ADK: variants seen among roughly 807,000 people sequenced by gnomAD.
ADK encodes the protein N6,N6-dimethyladenosine kinase.
ADK carries 24 observed loss-of-function variants against 44.7 expected under a neutral mutation model. The observed-to-expected ratio is 0.54, with a 90% CI of 0.39 to 0.76. ADK has a LOEUF of 0.76. ADK is among the 30% of genes least tolerant of loss of function. The pLI is 0.00. For synonymous variants in ADK, 128 were observed against 142.6 expected (o/e 0.90, Z 0.73); for missense variants, 321 against 425.1 (o/e 0.76, Z 2.15).
At chr10:74,381,290 C>T (rs1842970234) in intron 4 of ADK, among the ~76,000 whole-genome samples, 2 of 152,266 alleles carry the variant, frequency 1.3e-5, no homozygotes, top group South Asian at 4.1e-4. Flanking sequence ...AATTACTTTT[C>T]TAATCTGTAT....
At chr10:74,358,271 T>C (rs1029647336) in intron 4 of ADK, among the ~76,000 whole-genome samples, 4 of 152,228 alleles carry the variant, frequency 2.6e-5, no homozygotes, top group African/African-American at 9.6e-5. Flanking sequence ...CCTTGTAATA[T>C]ATAATTAACT....
chr10:74,230,960 G>C (rs2132265709), intron 3 of ADK, among the ~76,000 whole-genome samples: 1 of 152,202 alleles, frequency 6.6e-6, no homozygotes, highest in South Asian at 2.1e-4. Context: ...GGGATTATAG[G>C]CGTGAGCCAC....
intron 9 of ADK, among the ~76,000 whole-genome samples, chr10:74,629,879 A>G (rs1423910391): frequency 1.3e-5 from 2 of 152,150 alleles, no homozygotes; most frequent in Non-Finnish European, 2.9e-5. Context: ...ATTAAGACCC[A>G]CTACTAGTGG....
chr10:74,373,630 C>T (rs1345589414), intron 4 of ADK, among the ~76,000 whole-genome samples: 1 of 152,146 alleles, frequency 6.6e-6, no homozygotes, highest in East Asian at 1.9e-4. Flanking sequence ...CCATTTCACT[C>T]CTGCTAGGAT....
At chr10:74,257,768 A>G (rs981499976) in intron 3 of ADK, among the ~76,000 whole-genome samples, 6 of 152,224 alleles carry the variant, frequency 3.9e-5, no homozygotes, top group Admixed American at 2.0e-4. Context: ...AATTTAAACT[A>G]TAGAAAAAAA....
intron 6 of ADK, among the ~76,000 whole-genome samples, chr10:74,505,100 G>A (rs1172640043): frequency 6.6e-6 from 1 of 152,120 alleles, no homozygotes; most frequent in Non-Finnish European, 1.5e-5. Flanking sequence ...TGGAAATGAT[G>A]AAGGAGGTGG....
intron 6 of ADK, among the ~76,000 whole-genome samples, chr10:74,436,960 A>T (rs997693894): frequency 3.3e-5 from 5 of 152,208 alleles, no homozygotes; most frequent in African/African-American, 9.6e-5. Flanking sequence ...GCATATAGAA[A>T]ATCTTAAGGA....
At chr10:74,338,695 A>G (rs1208734964) in intron 4 of ADK, among the ~76,000 whole-genome samples, 5 of 152,244 alleles carry the variant, frequency 3.3e-5, no homozygotes, top group African/African-American at 7.2e-5. Flanking sequence ...GATTCCAATT[A>G]TATAGTATTA....
intron 6 of ADK, among the ~76,000 whole-genome samples, chr10:74,417,351 A>G (rs757948747): frequency 6.6e-6 from 1 of 152,134 alleles, no homozygotes; most frequent in South Asian, 2.1e-4. Flanking sequence ...CTTTATAGAT[A>G]TTCCCTAATT....
At chr10:74,214,422 G>A (rs1237752061) in intron 2 of ADK, among the ~76,000 whole-genome samples, 1 of 152,172 alleles carries the variant, frequency 6.6e-6, no homozygotes, top group African/African-American at 2.4e-5. Context: ...TTTGGACTAT[G>A]TGGCAATATT....
chr10:74,566,308 G>C (rs1850667156), intron 7 of ADK, among the ~76,000 whole-genome samples: 1 of 144,388 alleles, frequency 6.9e-6, no homozygotes, highest in Non-Finnish European at 1.5e-5. Context: ...CTGGGCTCAA[G>C]TAATCCTCCC....
At chr10:74,339,210 C>T (rs1011391012) in intron 4 of ADK, among the ~76,000 whole-genome samples, 1 of 152,170 alleles carries the variant, frequency 6.6e-6, no homozygotes, top group Non-Finnish European at 1.5e-5. Context: ...GTCCTTCTGC[C>T]TTGGCCTTCT....
At chr10:74,414,509 G>A (rs571513922) in intron 6 of ADK, among the ~76,000 whole-genome samples, 2 of 152,218 alleles carry the variant, frequency 1.3e-5, no homozygotes, top group African/African-American at 4.8e-5. Context: ...GCCGAGGTGG[G>A]CAGATCACTT....
intron 9 of ADK, among the ~76,000 whole-genome samples, chr10:74,623,728 T>TATATATGTATTCTAGGC (rs1853082446): frequency 6.6e-6 from 1 of 151,542 alleles, no homozygotes; most frequent in African/African-American, 2.4e-5. Flanking sequence ...GGCATATATA[T>TATATATGTATTCTAGGC]ATATATACAC....
intron 4 of ADK, among the ~76,000 whole-genome samples, chr10:74,322,879 T>A (rs2395087): frequency 0.13 from 19,475 of 151,930 alleles, 1,310 homozygotes; most frequent in Middle Eastern, 0.17. Flanking sequence ...TTTTATGCAT[T>A]ATGTTAAGAA....
intron 9 of ADK, among the ~76,000 whole-genome samples, chr10:74,669,569 G>T: frequency 6.6e-6 from 1 of 152,228 alleles, no homozygotes; most frequent in East Asian, 1.9e-4. Context: ...TTTCCCTTTT[G>T]CCAGTTGACA....
chr10:74,357,300 T>C (rs148277071), intron 4 of ADK, among the ~76,000 whole-genome samples: 41 of 152,060 alleles, frequency 2.7e-4, no homozygotes, highest in Admixed American at 4.6e-4. Context: ...ACCTTTGTAG[T>C]GTGGTGGTGG....
intron 6 of ADK, among the ~76,000 whole-genome samples, chr10:74,437,906 C>G (rs1013883774): frequency 1.3e-5 from 2 of 152,232 alleles, no homozygotes; most frequent in South Asian, 2.1e-4. Context: ...CTTTAACAAC[C>G]AAGCCCTTTT....
intron 1 of ADK, among the ~76,000 whole-genome samples, chr10:74,175,104 G>C (rs1214366848): frequency 1.3e-5 from 2 of 152,166 alleles, no homozygotes; most frequent in Non-Finnish European, 2.9e-5. Context: ...CATTAAAAAA[G>C]GTAAAAAAGA....
Sources: allele counts gnomAD v4.1 joint callset (sites outside exome capture counted in the v4.1 genomes callset), GRCh38; gene constraint gnomAD v4.1.1; transcripts MANE v1.5; gene names NCBI Gene and HGNC (gene_info 2026-07-23, HGNC 2026-07-21).